The following REEP5 variants were observed in gnomAD, a reference collection of about 807,000 sequenced individuals.
REEP5 encodes receptor accessory protein 5.
A neutral mutation model predicts 22.4 loss-of-function variants in REEP5; 24 were observed. The ratio of observed to expected loss-of-function variants is 1.07; its 90% confidence interval spans 0.78 to 1.51. REEP5 has a LOEUF of 1.51. REEP5 is among the 40% of genes most tolerant of loss of function. REEP5 has a pLI of 0.00. For missense variants in REEP5, 252 were observed against 233.0 expected (o/e 1.08, Z -0.53); for synonymous variants, 103 against 88.6 (o/e 1.16, Z -0.92).
intron 2 of REEP5, among the ~76,000 whole-genome samples, chr5:112,914,305 G>A (rs769245049): frequency 4.0e-5 from 6 of 151,300 alleles, no homozygotes; most frequent in East Asian, 2.0e-4. Flanking sequence ...GCTGAGTGCA[G>A]TGGCATCAAC....
rs142780231 is a variant in REEP5 at position 112,888,329 on chromosome 5, A to C, written c.352-1146T>G. ...TCAGTTTAAAATGCACAAATAGCTCACTCCATCAGCACCATGTTGGCTCTG... is the reference window on the plus strand; with the variant it reads ...TCAGTTTAAAATGCACAAATAGCTCCCTCCATCAGCACCATGTTGGCTCTG... On this transcript the variant is annotated intron_variant, in intron 3 of 4. Coordinates refer to ENST00000379638, the MANE Select transcript of REEP5 (RefSeq NM_005669.5). Among the ~76,000 whole-genome samples the C allele has an allele frequency of 4.1e-3, 617 of 152,290 alleles. 2 individuals carry two copies. The highest frequency in any genetic ancestry group is 0.014 in the African/African-American group (594 of 41,572).
Position 112,921,234 on chromosome 5 carries a change from C to T in REEP5, c.141G>A (p.Leu47=). The stretch of plus-strand genomic sequence containing the variant: ...AGGCTCCATAACCGAACACCAGGTA[C>T]AAGGCCACCAGTCCGATGACACCTG... ...IALGVIGLVA[L]YLVFGYGASL... is the part of the protein sequence containing the mutation. Residue 47 remains leucine (L), a synonymous_variant, in exon 2 of 5, where the codon TTG becomes TTA. Transcript: ENST00000379638. The T allele has an allele frequency of 6.2e-7, 1 of 1,614,132 alleles. No homozygotes were observed. Among genetic ancestry groups the T allele is most frequent in the Non-Finnish European group, 8.5e-7 (1 of 1,180,006 alleles).
intron 4 of REEP5, among the ~76,000 whole-genome samples, chr5:112,880,050 T>C (rs543162893): frequency 6.6e-6 from 1 of 152,312 alleles, no homozygotes; most frequent in South Asian, 2.1e-4. Context: ...TGTGCCACCA[T>C]TCTCTCCTAT....
intron 2 of REEP5, among the ~76,000 whole-genome samples, chr5:112,910,623 A>C (rs1408615387): frequency 4.6e-5 from 7 of 152,312 alleles, no homozygotes; most frequent in South Asian, 4.1e-4. Flanking sequence ...AATAACTTCC[A>C]AATTTATATC....
chr5:112,891,763 C>T (rs765987174), intron 3 of REEP5: 38 of 1,613,804 alleles, frequency 2.4e-5, no homozygotes, highest in Admixed American at 3.3e-5. Context: ...GGAACTTGCT[C>T]GACTGAGAGA....
At chr5:112,902,715 T>C (rs2150044315) in intron 2 of REEP5, among the ~76,000 whole-genome samples, 197 bp from the exon 3 acceptor site, 1 of 152,140 alleles carries the variant, frequency 6.6e-6, no homozygotes, top group South Asian at 2.1e-4. Context: ...AACCACTTGT[T>C]TCTAGTCTCC....
chr5:112,906,957 A>C (rs1207191782), intron 2 of REEP5, among the ~76,000 whole-genome samples: 1 of 152,236 alleles, frequency 6.6e-6, no homozygotes, highest in Non-Finnish European at 1.5e-5. Flanking sequence ...AGTTGGACGT[A>C]GAAGTCAAAC....
At chr5:112,907,071 T>C (rs1768972263) in intron 2 of REEP5, among the ~76,000 whole-genome samples, 1 of 152,210 alleles carries the variant, frequency 6.6e-6, no homozygotes, top group African/African-American at 2.4e-5. Flanking sequence ...ATAACAACAC[T>C]GAAATAAAAC....
intron 3 of REEP5, chr5:112,895,623 T>G (rs1248333734): frequency 6.6e-6 from 1 of 152,216 alleles, no homozygotes; most frequent in Non-Finnish European, 1.5e-5. Context: ...TACTGCTCTC[T>G]AGCTACATCC....
chr5:112,896,805 C>A (rs1768692909), intron 3 of REEP5: 1 of 152,110 alleles, frequency 6.6e-6, no homozygotes, highest in Admixed American at 6.6e-5. Context: ...TGGTTGTGCA[C>A]CTGTAGTCCC....
chr5:112,913,183 T>C (rs1188827985), intron 2 of REEP5, among the ~76,000 whole-genome samples: 1 of 152,116 alleles, frequency 6.6e-6, no homozygotes, highest in South Asian at 2.1e-4. Context: ...TAATCCCAGC[T>C]ACTTGGGAGG....
chr5:112,897,394 C>T (rs1271865747), intron 3 of REEP5: 3 of 150,512 alleles, frequency 2.0e-5, no homozygotes, highest in Non-Finnish European at 3.0e-5. Context: ...CACACACACA[C>T]AAATGTAAAC....
chr5:112,903,277 T>G (rs1002815082), intron 2 of REEP5, among the ~76,000 whole-genome samples: 5 of 152,232 alleles, frequency 3.3e-5, no homozygotes, highest in African/African-American at 1.2e-4. Flanking sequence ...GATCTAGATA[T>G]TTATCGTAAC....
At chr5:112,898,146 G>C (rs1418516507) in intron 3 of REEP5, 1 of 152,164 alleles carries the variant, frequency 6.6e-6, no homozygotes, top group Non-Finnish European at 1.5e-5. Context: ...AACAGCATAG[G>C]TAAGATGGAT....
intron 4 of REEP5, among the ~76,000 whole-genome samples, chr5:112,882,799 G>A (rs764622250): frequency 3.9e-5 from 6 of 152,078 alleles, no homozygotes; most frequent in Non-Finnish European, 7.4e-5. Context: ...CCTCTCCTTC[G>A]CAACTATTTC....
At chr5:112,908,090 CTTTGTTT>C (rs1561657630) in intron 2 of REEP5, among the ~76,000 whole-genome samples, 3 of 119,692 alleles carry the variant, frequency 2.5e-5, no homozygotes, top group East Asian at 2.3e-4. Flanking sequence ...CAGAGACTTT[CTTTGTTT>C]TTTGTTTTTT....
chr5:112,887,791 AT>A (rs1007441155), intron 3 of REEP5, among the ~76,000 whole-genome samples: 8 of 151,480 alleles, frequency 5.3e-5, no homozygotes, highest in East Asian at 3.9e-4. Flanking sequence ...TGCCATTGAG[AT>A]TTTTTTTTAA....
intron 3 of REEP5, chr5:112,892,661 A>T: frequency 3.1e-6 from 5 of 1,614,140 alleles, no homozygotes; most frequent in Non-Finnish European, 4.2e-6. Flanking sequence ...AGAAATCCCA[A>T]CAATGAATTC....
chr5:112,911,554 C>T (rs967598344), intron 2 of REEP5, among the ~76,000 whole-genome samples: 1 of 152,198 alleles, frequency 6.6e-6, no homozygotes, highest in African/African-American at 2.4e-5. Flanking sequence ...TCTGGAAAAA[C>T]ATCCACTTTT....
Sources: allele counts gnomAD v4.1 joint callset (sites outside exome capture counted in the v4.1 genomes callset), GRCh38; gene constraint gnomAD v4.1.1; transcripts MANE v1.5; gene names NCBI Gene and HGNC (gene_info 2026-07-23, HGNC 2026-07-21).